PABPC4L: variants seen among roughly 807,000 people sequenced by gnomAD.
PABPC4L encodes polyadenylate-binding protein 4-like.
For missense variants in PABPC4L, 452 were observed against 451.4 expected, an observed-to-expected ratio of 1.00 and a Z score of -0.01; for synonymous variants, 169 against 164.1, an observed-to-expected ratio of 1.03 and a Z score of -0.23.
the PABPC4L span, among the ~76,000 whole-genome samples, chr4:134,083,960 T>G: frequency 6.6e-6 from 1 of 152,292 alleles, no homozygotes; most frequent in Admixed American, 6.5e-5. Flanking sequence ...GGGAAAAATG[T>G]TCTTGTCATT....
chr4:134,093,471 T>A, the PABPC4L span, among the ~76,000 whole-genome samples: 1 of 151,746 alleles, frequency 6.6e-6, no homozygotes, highest in Non-Finnish European at 1.5e-5. Context: ...CTAATTGTTA[T>A]TCCTTCATTC....
the PABPC4L span, among the ~76,000 whole-genome samples, chr4:133,962,144 C>T: frequency 2.6e-5 from 4 of 152,146 alleles, no homozygotes; most frequent in African/African-American, 9.7e-5. Context: ...GCCTTTAGCC[C>T]TAGACCTTCC....
At chr4:134,065,284 C>A in the PABPC4L span, among the ~76,000 whole-genome samples, 2 of 151,954 alleles carry the variant, frequency 1.3e-5, no homozygotes, top group African/African-American at 4.8e-5. Context: ...TAGTAATAAC[C>A]ATTTTGATGG....
Position 134,198,109 on chromosome 4 carries a change from A to T in PABPC4L, c.*1798T>A, listed in dbSNP as rs1729722868. On this transcript the variant is annotated 3_prime_UTR_variant, in exon 2 of 2. Transcript: ENST00000421491. ...TTATATTTTGGTACAGTCATTGAACAAAACATAAAAGTCACTCAGATTATA... is the reference window on the plus strand; with the variant it reads ...TTATATTTTGGTACAGTCATTGAACTAAACATAAAAGTCACTCAGATTATA... The T allele has an allele frequency of 6.6e-6, 1 of 151,798 alleles. No individual in the cohort carries two copies. The highest frequency in any genetic ancestry group is 6.6e-5 in the Admixed American group (1 of 15,266). 9.4% of individuals were successfully genotyped at this position (151,798 alleles called of 1,614,324 possible). A position where few individuals can be genotyped will look rare whatever the true frequency, so the allele number is the denominator to read the frequency against.
At chr4:134,047,283 G>A in the PABPC4L span, among the ~76,000 whole-genome samples, 1 of 152,136 alleles carries the variant, frequency 6.6e-6, no homozygotes, top group Non-Finnish European at 1.5e-5. Flanking sequence ...TCCCCACAGG[G>A]TTGAAAGAGC....
the PABPC4L span, among the ~76,000 whole-genome samples, chr4:134,111,889 G>GAC: frequency 6.6e-6 from 1 of 151,942 alleles, no homozygotes; most frequent in African/African-American, 2.4e-5. Flanking sequence ...CGTGAAAACA[G>GAC]ACTAAGGCAC....
chr4:134,066,853 A>G, the PABPC4L span, among the ~76,000 whole-genome samples: 3 of 152,094 alleles, frequency 2.0e-5, no homozygotes, highest in East Asian at 1.9e-4. Flanking sequence ...ATTGATTTGC[A>G]TATGTTAAAC....
chr4:134,171,806 C>A, the PABPC4L span, among the ~76,000 whole-genome samples: 1 of 152,108 alleles, frequency 6.6e-6, no homozygotes, highest in Admixed American at 6.5e-5. Context: ...TAATAAAGAA[C>A]TTCAGCAAAG....
chr4:134,156,425 A>G, the PABPC4L span, among the ~76,000 whole-genome samples: 9 of 151,858 alleles, frequency 5.9e-5, no homozygotes, highest in Admixed American at 5.9e-4. Flanking sequence ...AAAAACTTCT[A>G]CCTTCTTGAT....
chr4:133,964,063 G>T, the PABPC4L span, among the ~76,000 whole-genome samples: 1 of 151,926 alleles, frequency 6.6e-6, no homozygotes, highest in African/African-American at 2.4e-5. Context: ...AGATAAAATT[G>T]GTAGACCATT....
At chr4:134,050,083 T>A in the PABPC4L span, among the ~76,000 whole-genome samples, 1 of 152,148 alleles carries the variant, frequency 6.6e-6, no homozygotes, top group Non-Finnish European at 1.5e-5. Flanking sequence ...CTAGATGAAG[T>A]ATATTGCTGA....
At chr4:134,077,324 T>G in the PABPC4L span, among the ~76,000 whole-genome samples, 1 of 152,288 alleles carries the variant, frequency 6.6e-6, no homozygotes. Flanking sequence ...GTCTTACTTT[T>G]ACTTTTTTCT....
the PABPC4L span, among the ~76,000 whole-genome samples, chr4:134,102,577 C>T: frequency 6.6e-6 from 1 of 151,512 alleles, no homozygotes; most frequent in African/African-American, 2.4e-5. Context: ...CCACTCTGGG[C>T]ATCACTTATA....
the PABPC4L span, among the ~76,000 whole-genome samples, chr4:133,985,583 G>C: frequency 4.0e-5 from 6 of 151,850 alleles, no homozygotes; most frequent in African/African-American, 1.4e-4. Context: ...TATTCAACAA[G>C]GTGTCAAGTT....
In PABPC4L at chr4:134,200,356, T is replaced by C. The variant is rs765364472; in HGVS notation, c.664A>G (p.Met222Val). Residue 222 changes from methionine to valine, a missense_variant, in exon 2 of 2, where the codon ATG (methionine) becomes GTG (valine). Physicochemically the swap from Met to Val is conservative, Grantham distance 21 (BLOSUM62 1). Coordinates refer to ENST00000421491, the MANE Select transcript of PABPC4L (RefSeq NM_001114734.2). ...KYGKTLSVKV[M>V]TDSSGKSKGF... ...TTGGATTTCCCACTGGAATCTGTCA[T>C]CACCTTAACACTCAGAGTTTTGCCA... The C allele has an allele frequency of 9.4e-6, 15 of 1,593,410 alleles. No individual in the cohort carries two copies. The highest frequency in any genetic ancestry group is 1.3e-5 in the Non-Finnish European group (15 of 1,168,608).
chr4:134,117,666 C>G, the PABPC4L span, among the ~76,000 whole-genome samples: 2 of 151,630 alleles, frequency 1.3e-5, no homozygotes, highest in African/African-American at 2.4e-5. Context: ...TTCATAGATG[C>G]TAAGGTCACA....
At chr4:134,025,185 T>C in the PABPC4L span, among the ~76,000 whole-genome samples, 1 of 150,848 alleles carries the variant, frequency 6.6e-6, no homozygotes, top group African/African-American at 2.4e-5. Context: ...ATACAAAAAT[T>C]AGCTGTGCAT....
the PABPC4L span, among the ~76,000 whole-genome samples, chr4:134,044,528 T>C: frequency 6.6e-6 from 1 of 152,158 alleles, no homozygotes; most frequent in African/African-American, 2.4e-5. Flanking sequence ...CCTCCCAAAG[T>C]GCTGGGATTA....
At chr4:133,953,770 T>A in the PABPC4L span, among the ~76,000 whole-genome samples, 1 of 152,264 alleles carries the variant, frequency 6.6e-6, no homozygotes, top group South Asian at 2.1e-4. Context: ...GGGAGGATGC[T>A]CTCTCTCCCA....
Sources: gnomAD v4.1 joint callset for allele counts (sites outside exome capture counted in the v4.1 genomes callset) on GRCh38, gnomAD v4.1.1 for gene constraint, MANE v1.5 for transcripts, NCBI Gene and HGNC (gene_info 2026-07-23, HGNC 2026-07-21) for gene names.